Variants in OPCML observed in about 807,000 individuals in gnomAD.
OPCML encodes opioid-binding protein/cell adhesion molecule.
In OPCML, 13 loss-of-function variants were observed where a neutral mutation model predicts 37.8. The ratio of observed to expected loss-of-function variants is 0.34; its 90% CI spans 0.22 to 0.55. OPCML has a LOEUF of 0.55. Among genes scored for constraint, OPCML ranks in the 20% least tolerant of loss-of-function variants. The pLI, the probability that OPCML is intolerant of heterozygous loss-of-function variation, is 0.91. For missense variants in OPCML, 341 were observed against 435.6 expected (o/e 0.78, Z 1.93); for synonymous variants, 176 against 168.8 (o/e 1.04, Z -0.33).
Position 132,875,761 on chromosome 11 carries a change from C to T in OPCML, c.146+67165G>A, listed in dbSNP as rs543535978. ...TATAGGTGTGAGTCACCATGCCCAG[C>T]CTACCCATCTAATATTTATTGAAGG... On this transcript the variant is annotated intron_variant, in intron 2 of 7. Coordinates refer to ENST00000524381, the MANE Select transcript of OPCML (RefSeq NM_001012393.5). 3.5e-4 allele frequency among the ~76,000 whole-genome samples: 53 copies of T among 152,250 alleles called. No homozygotes were observed. In the South Asian group the frequency reaches 7.9e-3, roughly 23 times the overall value.
intron 1 of OPCML, among the ~76,000 whole-genome samples, chr11:133,336,318 A>C (rs1304439770): frequency 6.6e-6 from 1 of 152,146 alleles, no homozygotes; most frequent in Non-Finnish European, 1.5e-5. Context: ...TTAGGAAAAC[A>C]CTTTAGCCTC....
chr11:132,687,570 ATTCTT>A (rs1223066512), intron 2 of OPCML, among the ~76,000 whole-genome samples: 9 of 151,650 alleles, frequency 5.9e-5, no homozygotes, highest in Middle Eastern at 3.4e-3. Flanking sequence ...TTTCTATTAT[ATTCTT>A]TTCTTTTTTA....
intron 1 of OPCML, among the ~76,000 whole-genome samples, chr11:133,526,834 G>A (rs1948501207): frequency 6.6e-6 from 1 of 152,238 alleles, no homozygotes; most frequent in African/African-American, 2.4e-5. Flanking sequence ...CCTGCACTGA[G>A]GACTGGGATC....
intron 1 of OPCML, among the ~76,000 whole-genome samples, chr11:132,984,748 C>T (rs906272864): frequency 2.0e-5 from 3 of 152,178 alleles, no homozygotes; most frequent in African/African-American, 7.2e-5. Flanking sequence ...TCAGAGACCA[C>T]CAGCAACAGC....
chr11:133,103,764 C>A (rs1309058289), intron 1 of OPCML, among the ~76,000 whole-genome samples: 1 of 152,202 alleles, frequency 6.6e-6, no homozygotes, highest in Non-Finnish European at 1.5e-5. Flanking sequence ...CAGTACCAGG[C>A]TGGCATTAAA....
intron 2 of OPCML, among the ~76,000 whole-genome samples, chr11:132,797,880 G>A (rs1238756945): frequency 6.6e-6 from 1 of 152,132 alleles, no homozygotes; most frequent in Non-Finnish European, 1.5e-5. Flanking sequence ...GTTGCTGAAG[G>A]TTGGGGTGGC....
At chr11:132,929,444 T>G (rs539040686) in intron 2 of OPCML, among the ~76,000 whole-genome samples, 5 of 152,252 alleles carry the variant, frequency 3.3e-5, no homozygotes, top group South Asian at 4.1e-4. Context: ...CATGACCAGA[T>G]AGCATCACTG....
intron 1 of OPCML, among the ~76,000 whole-genome samples, chr11:133,323,302 C>A (rs1434489885): frequency 2.0e-5 from 3 of 152,198 alleles, no homozygotes; most frequent in Non-Finnish European, 4.4e-5. Flanking sequence ...CTCCACAGCC[C>A]ACTTGTGTTC....
In OPCML at chr11:133,305,104, A is replaced by T. The variant is rs575343844; in HGVS notation, c.61+227160T>A. ...TTCATTCTCCCTCATTACAATCACT[A>T]TCTCTTTCTCCTATTCCTATCAAAG... On this transcript the variant is annotated intron_variant, in intron 1 of 7. Coordinates refer to ENST00000524381, the MANE Select transcript of OPCML (RefSeq NM_001012393.5). Among the ~76,000 whole-genome samples the T allele has an allele frequency of 3.5e-4, 53 of 152,220 alleles. No homozygotes were observed. The South Asian group carries it at 0.011, about 31-fold the overall frequency.
At chr11:133,355,438 T>C (rs918808962) in intron 1 of OPCML, among the ~76,000 whole-genome samples, 25 of 152,282 alleles carry the variant, frequency 1.6e-4, no homozygotes, top group Admixed American at 4.6e-4. Flanking sequence ...ATTTAAGTCA[T>C]CCATGAACTA....
At chr11:132,540,702 A>G (rs781330565) in intron 3 of OPCML, among the ~76,000 whole-genome samples, 4 of 152,220 alleles carry the variant, frequency 2.6e-5, no homozygotes, top group Non-Finnish European at 5.9e-5. Context: ...ATACATGAAT[A>G]CATGCCAGGG....
At chr11:132,691,938 G>C (rs1943420236) in intron 2 of OPCML, among the ~76,000 whole-genome samples, 1 of 152,128 alleles carries the variant, frequency 6.6e-6, no homozygotes, top group Non-Finnish European at 1.5e-5. Context: ...TTGATTAAGG[G>C]ACTTGATATG....
intron 1 of OPCML, among the ~76,000 whole-genome samples, chr11:133,273,958 A>G (rs1565542351): frequency 6.6e-6 from 1 of 152,258 alleles, no homozygotes; most frequent in Non-Finnish European, 1.5e-5. Flanking sequence ...GCACACAATA[A>G]CATCATGATA....
chr11:133,143,794 G>A (rs1333723092), intron 1 of OPCML, among the ~76,000 whole-genome samples: 1 of 152,200 alleles, frequency 6.6e-6, no homozygotes, highest in African/African-American at 2.4e-5. Flanking sequence ...ATCTTTCTAG[G>A]TTAATAAATA....
intron 1 of OPCML, among the ~76,000 whole-genome samples, chr11:133,436,968 C>A (rs1237443045): frequency 3.3e-5 from 5 of 152,178 alleles, no homozygotes; most frequent in Admixed American, 2.0e-4. Flanking sequence ...GACGTCATAA[C>A]CAGTTTCCAG....
chr11:133,164,407 T>G (rs997792537), intron 1 of OPCML, among the ~76,000 whole-genome samples: 2 of 152,212 alleles, frequency 1.3e-5, no homozygotes, highest in African/African-American at 4.8e-5. Context: ...TAAATGTTCT[T>G]GGTAATGTTT....
At chr11:132,783,672 A>G (rs2136158588) in intron 2 of OPCML, among the ~76,000 whole-genome samples, 1 of 152,308 alleles carries the variant, frequency 6.6e-6, no homozygotes, top group Admixed American at 6.5e-5. Flanking sequence ...TCCCAAAGGC[A>G]TCAGTAAGTC....
chr11:133,105,122 G>C (rs1453937463), intron 1 of OPCML, among the ~76,000 whole-genome samples: 1 of 152,164 alleles, frequency 6.6e-6, no homozygotes, highest in Non-Finnish European at 1.5e-5. Context: ...CACCTACTAT[G>C]CGTGTTCAAT....
At chr11:132,423,755 C>A (rs2095968097) in intron 7 of OPCML, among the ~76,000 whole-genome samples, 1 of 152,194 alleles carries the variant, frequency 6.6e-6, no homozygotes, top group Admixed American at 6.5e-5. Context: ...GGTCCCATGG[C>A]CTCGGGGCTC....
Sources: gnomAD v4.1 joint callset for allele counts (sites outside exome capture counted in the v4.1 genomes callset) on GRCh38, gnomAD v4.1.1 for gene constraint, MANE v1.5 for transcripts, NCBI Gene and HGNC (gene_info 2026-07-23, HGNC 2026-07-21) for gene names.